NEBL: variants seen among roughly 807,000 people sequenced by gnomAD.
NEBL encodes nebulette, also known as LIM and SH3 protein 2.
NEBL carries 122 observed loss-of-function variants against 140.2 expected under a neutral mutation model. The ratio of observed to expected loss-of-function variants is 0.87; its 90% CI spans 0.75 to 1.01. NEBL has a LOEUF of 1.01. Ranked by LOEUF, NEBL falls within the 50% of genes least tolerant of loss-of-function variation. The pLI is 0.00. For missense variants in NEBL, 1,365 were observed against 1,231.3 expected, an observed-to-expected ratio of 1.11 and a Z score of -1.62; for synonymous variants, 436 against 398.9, an observed-to-expected ratio of 1.09 and a Z score of -1.11.
intron 2 of NEBL, among the ~76,000 whole-genome samples, chr10:21,037,867 T>C (rs1317292392): frequency 6.6e-5 from 10 of 152,026 alleles, no homozygotes. Flanking sequence ...GTAGACAAAT[T>C]CATTTAATAC....
At chr10:20,842,872 C>T (rs1442164538) in intron 12 of NEBL, among the ~76,000 whole-genome samples, 1 of 152,008 alleles carries the variant, frequency 6.6e-6, no homozygotes, top group East Asian at 1.9e-4. Flanking sequence ...GCCATTCCTC[C>T]CACCCTCCAG....
chr10:20,956,728 G>A (rs1179247667), intron 4 of NEBL, among the ~76,000 whole-genome samples: 1 of 151,780 alleles, frequency 6.6e-6, no homozygotes, highest in African/African-American at 2.4e-5. Context: ...AACAAATAAT[G>A]TATTTCAATG....
At position 21,093,150 on chromosome 10, in the gene NEBL, C is replaced by CTTTTTTTTT. The variant is rs4025884; in HGVS notation, c.165-72958_165-72950dup. 4.4e-4 allele frequency among the ~76,000 whole-genome samples: 42 copies of CTTTTTTTTT among 95,036 alleles called. 8 individuals carry two copies. Among genetic ancestry groups the CTTTTTTTTT allele is most frequent in the Non-Finnish European group, 6.5e-4 (32 of 49,016 alleles). The allele number at this position is 95,036 out of a possible 152,430, so 62.3% of individuals were successfully genotyped here. A position where few individuals can be genotyped will look rare whatever the true frequency, so the allele number is the denominator to read the frequency against. ...TACTTTTATTCATTTAGCAACAAGT[C>CTTTTTTTTT]TTTTTTTTTTTTTTTCCATTTTAGC... On this transcript the variant is annotated intron_variant, in intron 2 of 6. Transcript: ENST00000417816.
chr10:20,803,812 A>AAAAAAT (rs1554773359), intron 26 of NEBL, among the ~76,000 whole-genome samples: 23 of 143,586 alleles, frequency 1.6e-4, no homozygotes, highest in East Asian at 1.2e-3. Context: ...CTGTACGAAA[A>AAAAAAT]ATATATATAT....
intron 2 of NEBL, among the ~76,000 whole-genome samples, chr10:21,117,137 G>A (rs952564515): frequency 6.6e-6 from 1 of 151,994 alleles, no homozygotes; most frequent in Non-Finnish European, 1.5e-5. Flanking sequence ...TGCCAAGTAA[G>A]ACCAGAAGAA....
rs189511629 is a variant in NEBL, at chr10:20,896,192, C to T, written c.153+766G>A. Among the ~76,000 whole-genome samples the T allele has an allele frequency of 2.0e-5, 3 of 152,184 alleles. No individual in the cohort carries two copies. The East Asian group carries it at 5.8e-4, about 29-fold the overall frequency. ...TTACAGGAGTTACCCTTTCTCTGGA[C>T]CAGCAATCCTCTTAGAACCGCTAAT... On this transcript the variant is annotated intron_variant, in intron 2 of 27. Coordinates refer to ENST00000377122, the MANE Select transcript of NEBL (RefSeq NM_006393.3).
At position 20,823,237 on chromosome 10, in the gene NEBL, C is replaced by T. The variant is rs1169892636; in HGVS notation, c.1933G>A (p.Val645Ile). 3.7e-6 allele frequency: 6 copies of T among 1,609,260 alleles called. No individual in the cohort carries two copies. Among genetic ancestry groups the T allele is most frequent in the Non-Finnish European group, 5.1e-6 (6 of 1,177,998 alleles). ...AISDPPELKR[V>I]KENQKNISNL... is the part of the protein sequence containing the mutation. ...CTGATGTTCTTCTGGTTTTCTTTAA[C>T]TCTCTTTAGTTCTGGAGGATCAGAA... The change falls in exon 19 of 28, where the codon GTT becomes ATT. Residue 645 changes from valine (V) to isoleucine (I), a missense_variant. Transcript: ENST00000377122.
At chr10:20,870,817 T>C (rs1844852822) in intron 5 of NEBL, among the ~76,000 whole-genome samples, 1 of 152,166 alleles carries the variant, frequency 6.6e-6, no homozygotes, top group African/African-American at 2.4e-5. Context: ...TAAGTAGAGA[T>C]TTAAAGAGAA....
At chr10:20,898,916 G>A (rs79143959), upstream of NEBL, among the ~76,000 whole-genome samples, 1,240 of 152,202 alleles carry the variant, frequency 8.1e-3, 18 homozygotes, top group African/African-American at 0.028. Context: ...TGTTCTAGAA[G>A]GAGCTGTTGG....
intron 2 of NEBL, among the ~76,000 whole-genome samples, chr10:21,150,900 A>G (rs907162940): frequency 1.3e-5 from 2 of 152,204 alleles, no homozygotes; most frequent in Non-Finnish European, 2.9e-5. Context: ...TTCCGTTGTC[A>G]AAACTCATTC....
chr10:21,290,578 A>T (rs1049995935), intron 1 of NEBL, among the ~76,000 whole-genome samples: 1 of 152,330 alleles, frequency 6.6e-6, no homozygotes, highest in Admixed American at 6.5e-5. Flanking sequence ...AAATCATCAC[A>T]ATGTTCAGAC....
intron 1 of NEBL, among the ~76,000 whole-genome samples, chr10:21,269,052 G>C (rs1053923470): frequency 6.6e-6 from 1 of 152,190 alleles, no homozygotes. Flanking sequence ...CGCCAGAGCA[G>C]AGTGTCTCAC....
intron 3 of NEBL, among the ~76,000 whole-genome samples, chr10:20,982,886 G>C (rs1465719359): frequency 6.6e-6 from 1 of 152,188 alleles, no homozygotes. Flanking sequence ...ACATGGGTTT[G>C]AGAAGCTTGA....
At chr10:21,114,752 C>A (rs1218328287) in intron 2 of NEBL, among the ~76,000 whole-genome samples, 2 of 151,982 alleles carry the variant, frequency 1.3e-5, no homozygotes, top group Admixed American at 1.3e-4. Flanking sequence ...GTATCTTTTT[C>A]CGTCCTTTAA....
chr10:20,992,783 T>A (rs1050573514), intron 3 of NEBL, among the ~76,000 whole-genome samples: 1 of 126,606 alleles, frequency 7.9e-6, no homozygotes, highest in African/African-American at 3.1e-5. Context: ...TTTTTTTTTT[T>A]TTTTTTTTTT....
intron 3 of NEBL, among the ~76,000 whole-genome samples, chr10:21,003,065 T>G (rs1837978470): frequency 6.6e-6 from 1 of 150,634 alleles, no homozygotes; most frequent in East Asian, 2.0e-4. Context: ...AAAGGAGCTC[T>G]AAGTTTTTCT....
chr10:21,070,097 A>G (rs11012502), intron 2 of NEBL: 9,331 of 422,984 alleles, frequency 0.022, 558 homozygotes, highest in African/African-American at 0.14. Context: ...TGTATCCACT[A>G]GTAGCTGCAG....
At chr10:21,139,822 G>A (rs996773394) in intron 2 of NEBL, among the ~76,000 whole-genome samples, 2 of 152,004 alleles carry the variant, frequency 1.3e-5, no homozygotes, top group South Asian at 4.2e-4. Context: ...TTTGTGTGAA[G>A]CTCAGAATAA....
intron 4 of NEBL, among the ~76,000 whole-genome samples, chr10:20,904,175 C>T (rs1415042817): frequency 6.6e-6 from 1 of 152,160 alleles, no homozygotes; most frequent in Non-Finnish European, 1.5e-5. Context: ...ACTGAAACCT[C>T]AGAAAGGAAA....
Sources: gnomAD v4.1 joint callset for allele counts (sites outside exome capture counted in the v4.1 genomes callset) on GRCh38, gnomAD v4.1.1 for gene constraint, MANE v1.5 for transcripts, NCBI Gene and HGNC (gene_info 2026-07-23, HGNC 2026-07-21) for gene names.